The following CPNE8 variants were observed in gnomAD, a reference collection of about 807,000 sequenced individuals.
CPNE8 encodes the protein copine-8.
Under a neutral mutation model 81.5 loss-of-function variants are expected in CPNE8, and 45 were observed. The observed-to-expected ratio is 0.55, with a 90% confidence interval of 0.44 to 0.71. The LOEUF is 0.71. Ranked by LOEUF, CPNE8 falls within the 30% of genes least tolerant of loss-of-function variation. The pLI, the probability that CPNE8 is intolerant of heterozygous loss-of-function variation, is 0.00. For synonymous variants in CPNE8, 252 were observed against 226.3 expected, an observed-to-expected ratio of 1.11 and a Z score of -1.02; for missense variants, 594 against 672.1, an observed-to-expected ratio of 0.88 and a Z score of 1.28.
At chr12:38,768,581 ATG>A (rs1941737856) in intron 7 of CPNE8, among the ~76,000 whole-genome samples, 1 of 152,112 alleles carries the variant, frequency 6.6e-6, no homozygotes, top group African/African-American at 2.4e-5. Context: ...GTGCAGTGGC[ATG>A]ATCTCGGCTC....
intron 2 of CPNE8, 33 bp from the exon 3 acceptor site, chr12:38,873,083 T>C (rs1944016136): frequency 7.5e-7 from 1 of 1,331,304 alleles, no homozygotes; most frequent in South Asian, 1.2e-5. Context: ...CACATATAAA[T>C]GTCTTTTATG....
intron 6 of CPNE8, among the ~76,000 whole-genome samples, chr12:38,780,931 A>T (rs1016483095): frequency 1.3e-5 from 2 of 152,008 alleles, no homozygotes; most frequent in Non-Finnish European, 2.9e-5. Flanking sequence ...AAGCCAAGGA[A>T]ATACTAAATA....
chr12:38,800,227 G>C (rs1420110711), intron 6 of CPNE8, among the ~76,000 whole-genome samples: 5 of 79,824 alleles, frequency 6.3e-5, no homozygotes, highest in African/African-American at 1.7e-4. Flanking sequence ...CAAAAAGACA[G>C]CAGTAACCTC....
intron 1 of CPNE8, among the ~76,000 whole-genome samples, chr12:38,902,766 C>T (rs191902882): frequency 1.6e-4 from 25 of 152,320 alleles, no homozygotes; most frequent in Admixed American, 1.4e-3. Flanking sequence ...GAATTCCATA[C>T]CTGAATCATA....
At chr12:38,710,715 A>C in intron 13 of CPNE8, among the ~76,000 whole-genome samples, 1 of 152,072 alleles carries the variant, frequency 6.6e-6, no homozygotes. Flanking sequence ...CCTTCCCATA[A>C]TGTGGGTTAG....
At chr12:38,797,880 G>T (rs1272829367) in intron 6 of CPNE8, among the ~76,000 whole-genome samples, 1 of 152,132 alleles carries the variant, frequency 6.6e-6, no homozygotes, top group African/African-American at 2.4e-5. Flanking sequence ...GAAAGCAAAG[G>T]CTCGAGAACT....
At chr12:38,773,487 T>C (rs533243277) in intron 7 of CPNE8, among the ~76,000 whole-genome samples, 1 of 152,066 alleles carries the variant, frequency 6.6e-6, no homozygotes, top group South Asian at 2.1e-4. Flanking sequence ...TTATACCTAA[T>C]AAACTGGTTT....
chr12:38,686,163 AT>A (rs1308645278), intron 15 of CPNE8, among the ~76,000 whole-genome samples: 2 of 152,240 alleles, frequency 1.3e-5, no homozygotes, highest in Admixed American at 6.5e-5. Context: ...AATGTAAAAT[AT>A]CTGCCACATG....
At chr12:38,892,703 A>T (rs1017167141) in intron 1 of CPNE8, among the ~76,000 whole-genome samples, 7 of 152,248 alleles carry the variant, frequency 4.6e-5, no homozygotes, top group Admixed American at 3.3e-4. Flanking sequence ...AACTGATCAG[A>T]GGAAGCACAC....
chr12:38,795,534 T>C (rs1355005826), intron 6 of CPNE8, among the ~76,000 whole-genome samples: 1 of 152,176 alleles, frequency 6.6e-6, no homozygotes, highest in Non-Finnish European at 1.5e-5. Context: ...GATGGAATGT[T>C]ACGCAGTCTT....
chr12:38,738,039 A>G (rs920144517), intron 10 of CPNE8, among the ~76,000 whole-genome samples: 1 of 152,130 alleles, frequency 6.6e-6, no homozygotes, highest in African/African-American at 2.4e-5. Context: ...AACAGGCATC[A>G]TAATTGTTCT....
chr12:38,677,392 CT>C, intron 17 of CPNE8, 59 bp downstream of exon 17: 1 of 889,582 alleles, frequency 1.1e-6, no homozygotes, highest in Non-Finnish European at 1.9e-6. Context: ...ACTCTAGTCT[CT>C]CTCTAAGTAG....
intron 7 of CPNE8, among the ~76,000 whole-genome samples, chr12:38,771,467 A>T (rs932793863): frequency 1.3e-5 from 2 of 149,540 alleles, no homozygotes; most frequent in African/African-American, 2.5e-5. Flanking sequence ...CCCCGTATTT[A>T]AAAAAAAAAT....
intron 4 of CPNE8, among the ~76,000 whole-genome samples, chr12:38,846,280 T>C (rs1381507726): frequency 6.6e-6 from 1 of 152,180 alleles, no homozygotes; most frequent in Admixed American, 6.5e-5. Context: ...AAATTAAATC[T>C]TTTATTTGGG....
At position 38,905,504 on chromosome 12, in the gene CPNE8, T is replaced by A; in HGVS notation, c.31A>T (p.Ile11Phe). 6.4e-7 allele frequency: 1 copy of A among 1,572,228 alleles called. No individual in the cohort carries two copies. The highest frequency in any genetic ancestry group is 8.6e-7 in the Non-Finnish European group (1 of 1,158,570). ...GCGCTCAGCTGGTTCAAGTCCCCGA[T>A]GCCCGCAGTGCTGTTGTAGCGGCTG... MDSRYNSTAG[I>F]GDLNQLSAAI... is the part of the protein sequence containing the mutation. Residue 11 changes from isoleucine (I) to phenylalanine (F), a missense_variant, in exon 1 of 20, where the codon ATC becomes TTC. Coordinates refer to ENST00000331366, the MANE Select transcript of CPNE8 (RefSeq NM_153634.3).
At chr12:38,894,983 A>G (rs187006868) in intron 1 of CPNE8, among the ~76,000 whole-genome samples, 32 of 152,234 alleles carry the variant, frequency 2.1e-4, no homozygotes, top group African/African-American at 7.2e-4. Context: ...AGGCAGAGAC[A>G]CATGTTGGTT....
chr12:38,724,728 C>T (rs1178115480), intron 12 of CPNE8, 118 bp downstream of exon 12: 6 of 656,338 alleles, frequency 9.1e-6, no homozygotes, highest in East Asian at 3.1e-5. Flanking sequence ...ATATTAAAAC[C>T]CTGAGTGAAA....
At chr12:38,741,969 A>G (rs147745969) in intron 10 of CPNE8, among the ~76,000 whole-genome samples, 4,203 of 152,336 alleles carry the variant, frequency 0.028, 67 homozygotes, top group Non-Finnish European at 0.044. Flanking sequence ...CAAAACCACA[A>G]TGAGATACCA....
chr12:38,743,486 T>C (rs150192899), intron 10 of CPNE8, among the ~76,000 whole-genome samples: 2 of 152,208 alleles, frequency 1.3e-5, no homozygotes, highest in East Asian at 1.9e-4. Flanking sequence ...ACAAAAAAAG[T>C]ATGGCTTCCC....
Sources: gnomAD v4.1 joint callset for allele counts (sites outside exome capture counted in the v4.1 genomes callset) on GRCh38, gnomAD v4.1.1 for gene constraint, MANE v1.5 for transcripts, NCBI Gene and HGNC (gene_info 2026-07-23, HGNC 2026-07-21) for gene names.